The following RIMS2 variants were observed in gnomAD, a reference collection of about 807,000 sequenced individuals.
RIMS2 encodes the protein regulating synaptic membrane exocytosis 2.
Under a neutral mutation model 174.4 loss-of-function variants are expected in RIMS2, and 59 were observed. The ratio of observed to expected loss-of-function variants is 0.34; its 90% CI spans 0.27 to 0.42. The LOEUF is 0.42. Ranked by LOEUF, RIMS2 falls within the 10% of genes least tolerant of loss-of-function variation. RIMS2 has a pLI of 1.00. For synonymous variants in RIMS2, 606 were observed against 572.5 expected (o/e 1.06, Z -0.84); for missense variants, 1,620 against 1,666.3 (o/e 0.97, Z 0.48).
At chr8:104,129,568 A>G (rs776647140) in intron 19 of RIMS2, among the ~76,000 whole-genome samples, 9 of 152,214 alleles carry the variant, frequency 5.9e-5, no homozygotes, top group Admixed American at 4.6e-4. Flanking sequence ...TGCATTCTGT[A>G]TTATCATAGA....
intron 3 of RIMS2, among the ~76,000 whole-genome samples, chr8:103,847,705 G>C (rs375329745): frequency 1.3e-5 from 2 of 152,144 alleles, no homozygotes; most frequent in South Asian, 4.1e-4. Context: ...CTTATCACCA[G>C]ATGTCCAGTT....
chr8:103,953,355 G>T (rs1308260302), intron 14 of RIMS2, among the ~76,000 whole-genome samples: 1 of 152,174 alleles, frequency 6.6e-6, no homozygotes, highest in Non-Finnish European at 1.5e-5. Flanking sequence ...CAGAGAGAAA[G>T]GGCGAGTTAC....
intron 19 of RIMS2, among the ~76,000 whole-genome samples, chr8:104,241,278 T>G (rs1389269524): frequency 6.6e-6 from 1 of 152,220 alleles, no homozygotes; most frequent in Non-Finnish European, 1.5e-5. Context: ...GTTCTGTCAC[T>G]TACTATGTTG....
chr8:103,961,081 TG>T lies in RIMS2; in HGVS notation c.2719del (p.Asp907IlefsTer15), dbSNP rs2089883535. The T allele has an allele frequency of 6.7e-7, 1 of 1,493,556 alleles. No homozygotes were observed. Among genetic ancestry groups the T allele is most frequent in the Non-Finnish European group, 9.3e-7 (1 of 1,070,676 alleles). 92.5% of individuals were successfully genotyped at this position (1,493,556 alleles called of 1,614,324 possible). On this transcript the variant is annotated frameshift_variant, in exon 15 of 24. Coordinates refer to ENST00000504942, the Ensembl canonical transcript of RIMS2. LOFTEE classifies it high-confidence loss of function. ...ACTTTATAGGGTCAAAGAGAATAAG[TG>T]ATAGTGAAGTCTCTGACTATGACTG...
intron 1 of RIMS2, among the ~76,000 whole-genome samples, chr8:103,612,366 G>A (rs1249858953): frequency 3.3e-5 from 5 of 152,112 alleles, no homozygotes; most frequent in Non-Finnish European, 5.9e-5. Context: ...TGGTCTCTGG[G>A]CATTGAAGAG....
intron 1 of RIMS2, among the ~76,000 whole-genome samples, chr8:103,589,336 T>G (rs561774627): frequency 0.018 from 2 of 112 alleles, no homozygotes; most frequent in Non-Finnish European, 0.036. Context: ...AAGTGCTCTA[T>G]ATCATGATAA....
intron 19 of RIMS2, among the ~76,000 whole-genome samples, chr8:104,163,061 G>A (rs1460855055): frequency 6.6e-6 from 1 of 152,098 alleles, no homozygotes; most frequent in African/African-American, 2.4e-5. Context: ...ATGATACTAG[G>A]AGCAATGATA....
chr8:103,918,114 A>G (rs1253727255), intron 8 of RIMS2, among the ~76,000 whole-genome samples: 1 of 152,340 alleles, frequency 6.6e-6, no homozygotes, highest in East Asian at 1.9e-4. Flanking sequence ...ATAAAAATGT[A>G]TCTGTAAAAC....
At chr8:104,089,296 G>A (rs1015364390) in intron 19 of RIMS2, among the ~76,000 whole-genome samples, 3 of 151,726 alleles carry the variant, frequency 2.0e-5, no homozygotes, top group African/African-American at 7.3e-5. Context: ...ACTCACATTC[G>A]TAGCTCATTA....
chr8:103,585,045 C>A (rs190792250), intron 1 of RIMS2, among the ~76,000 whole-genome samples: 1 of 152,044 alleles, frequency 6.6e-6, no homozygotes, highest in South Asian at 2.1e-4. Flanking sequence ...AAAGATATTC[C>A]ATGTCAATGG....
At chr8:103,866,841 C>T (rs752690834) in intron 3 of RIMS2, among the ~76,000 whole-genome samples, 17 of 151,890 alleles carry the variant, frequency 1.1e-4, no homozygotes, top group African/African-American at 2.2e-4. Context: ...ATTAATCTGA[C>T]GCTTTTGTGA....
chr8:104,102,197 T>C (rs1226039732), intron 19 of RIMS2, among the ~76,000 whole-genome samples: 1 of 152,112 alleles, frequency 6.6e-6, no homozygotes, highest in Non-Finnish European at 1.5e-5. Flanking sequence ...CATGCTAAGC[T>C]CAGCATGTAA....
chr8:103,611,915 T>G (rs1429949041), intron 1 of RIMS2, among the ~76,000 whole-genome samples: 2 of 152,132 alleles, frequency 1.3e-5, no homozygotes, highest in African/African-American at 4.8e-5. Flanking sequence ...ATTCTTAGAT[T>G]TGCCCTTTTC....
intron 19 of RIMS2, among the ~76,000 whole-genome samples, chr8:104,127,980 G>A (rs542738160): frequency 1.3e-5 from 2 of 152,262 alleles, no homozygotes; most frequent in South Asian, 4.1e-4. Context: ...TGCTTCATCA[G>A]AGTATATCTT....
chr8:104,250,397 G>T (rs2441815), intron 22 of RIMS2, among the ~76,000 whole-genome samples: 113,625 of 152,112 alleles, frequency 0.75, 43,528 homozygotes, highest in African/African-American at 0.92. Flanking sequence ...TGTATAACCT[G>T]GCACTGGTGA....
intron 3 of RIMS2, among the ~76,000 whole-genome samples, chr8:103,774,159 A>G (rs1429627558): frequency 5.3e-5 from 8 of 152,204 alleles, no homozygotes; most frequent in African/African-American, 1.9e-4. Context: ...AAATAAGTAA[A>G]TATTAAAATG....
chr8:103,579,433 C>T (rs75531278), intron 1 of RIMS2, among the ~76,000 whole-genome samples: 29,460 of 152,058 alleles, frequency 0.19, 3,044 homozygotes, highest in Middle Eastern at 0.3. Flanking sequence ...AGTGTAATTA[C>T]AGTGTGCAGT....
chr8:103,755,412 G>T (rs1279959774), intron 2 of RIMS2, among the ~76,000 whole-genome samples: 3 of 152,022 alleles, frequency 2.0e-5, no homozygotes, highest in Non-Finnish European at 2.9e-5. Flanking sequence ...GTGTCTTGGG[G>T]TTGCTCTTCT....
chr8:103,785,085 C>T lies in RIMS2; in HGVS notation c.698+18548C>T, dbSNP rs1388081162. On this transcript the variant is annotated intron_variant, in intron 3 of 23. Coordinates refer to ENST00000504942, the Ensembl canonical transcript of RIMS2. ...GCTCTCTGTTTGTCTGTTATTGGTGCGTAAGAATGCTTGTGATTTTTGTAC... is the reference window on the plus strand; with the variant it reads ...GCTCTCTGTTTGTCTGTTATTGGTGTGTAAGAATGCTTGTGATTTTTGTAC... Among the ~76,000 whole-genome samples, 35 of 140,660 alleles carry T rather than the reference C, an allele frequency of 2.5e-4. 4 individuals carry two copies. The highest frequency in any genetic ancestry group is 5.1e-4 in the African/African-American group (19 of 36,904). 92.3% of individuals were successfully genotyped at this position (140,660 alleles called of 152,430 possible).
Sources: gnomAD v4.1 joint callset for allele counts (sites outside exome capture counted in the v4.1 genomes callset) on GRCh38, gnomAD v4.1.1 for gene constraint, MANE v1.5 for transcripts, NCBI Gene and HGNC (gene_info 2026-07-23, HGNC 2026-07-21) for gene names.